The following CNTNAP2 variants were observed in gnomAD, a reference collection of about 807,000 sequenced individuals.
The protein encoded by CNTNAP2 is contactin-associated protein-like 2.
CNTNAP2 carries 98 observed loss-of-function variants against 155.2 expected under a neutral mutation model. That is an observed-to-expected ratio of 0.63 (90% CI 0.54 to 0.75). CNTNAP2 has a LOEUF of 0.75. Among genes scored for constraint, CNTNAP2 ranks in the 30% least tolerant of loss-of-function variants. CNTNAP2 has a pLI of 0.00. For synonymous variants in CNTNAP2, 651 were observed against 631.2 expected (o/e 1.03, Z -0.47); for missense variants, 1,727 against 1,688.1 (o/e 1.02, Z -0.40).
At chr7:146,710,711 G>C (rs977510158) in intron 1 of CNTNAP2, among the ~76,000 whole-genome samples, 1 of 151,938 alleles carries the variant, frequency 6.6e-6, no homozygotes, top group Non-Finnish European at 1.5e-5. Flanking sequence ...GGTTTTACAG[G>C]CAATGTCTCA....
At chr7:147,931,348 C>A (rs140905759) in intron 14 of CNTNAP2, among the ~76,000 whole-genome samples, 1 of 151,752 alleles carries the variant, frequency 6.6e-6, no homozygotes, top group East Asian at 1.9e-4. Context: ...GGCTTCAATG[C>A]TGAATTCCAC....
chr7:147,036,769 A>G (rs1005172487), intron 3 of CNTNAP2, among the ~76,000 whole-genome samples: 3 of 152,184 alleles, frequency 2.0e-5, no homozygotes, highest in Non-Finnish European at 4.4e-5. Flanking sequence ...TGCAAGAAAG[A>G]TTCAACTTTG....
At chr7:147,437,542 C>A (rs80042533) in intron 10 of CNTNAP2, among the ~76,000 whole-genome samples, 1 of 152,044 alleles carries the variant, frequency 6.6e-6, no homozygotes, top group Non-Finnish European at 1.5e-5. Context: ...TTTCTGAATT[C>A]TATTCCATTG....
intron 3 of CNTNAP2, among the ~76,000 whole-genome samples, chr7:146,854,688 A>C (rs1794943186): frequency 6.6e-6 from 1 of 152,182 alleles, no homozygotes; most frequent in Non-Finnish European, 1.5e-5. Flanking sequence ...TATAGCACAT[A>C]GTATTATTTG....
intron 3 of CNTNAP2, among the ~76,000 whole-genome samples, chr7:147,015,986 G>A (rs147363809): frequency 6.6e-6 from 1 of 152,134 alleles, no homozygotes; most frequent in East Asian, 1.9e-4. Context: ...AGTATATCGT[G>A]TGGCAAAATC....
intron 9 of CNTNAP2, among the ~76,000 whole-genome samples, chr7:147,387,892 G>A (rs765220835): frequency 4.9e-4 from 75 of 152,234 alleles, no homozygotes; most frequent in Non-Finnish European, 9.3e-4. Flanking sequence ...CCACTTATTT[G>A]AGCACCTATT....
At chr7:146,613,793 A>G (rs1383851910) in intron 1 of CNTNAP2, among the ~76,000 whole-genome samples, 1 of 152,178 alleles carries the variant, frequency 6.6e-6, no homozygotes, top group Admixed American at 6.5e-5. Flanking sequence ...CAATTCCAAA[A>G]TAAAAAGTAT....
chr7:147,916,971 C>T (rs1292673903), intron 14 of CNTNAP2, among the ~76,000 whole-genome samples: 3 of 152,200 alleles, frequency 2.0e-5, no homozygotes, highest in African/African-American at 7.2e-5. Context: ...CAGTTGTTCA[C>T]CATTTTCCAT....
At chr7:147,684,589 A>G (rs939398948) in intron 13 of CNTNAP2, among the ~76,000 whole-genome samples, 2 of 151,896 alleles carry the variant, frequency 1.3e-5, no homozygotes, top group Admixed American at 6.6e-5. Flanking sequence ...GCAAGTTCCA[A>G]TAGAATAATC....
At chr7:146,840,432 ATTAAC>A (rs1306886850) in intron 3 of CNTNAP2, among the ~76,000 whole-genome samples, 1 of 152,216 alleles carries the variant, frequency 6.6e-6, no homozygotes, top group African/African-American at 2.4e-5. Flanking sequence ...AAATGTCTCT[ATTAAC>A]TTAAAAAGTT....
intron 19 of CNTNAP2, among the ~76,000 whole-genome samples, chr7:148,220,666 T>C (rs1795732165): frequency 6.7e-6 from 1 of 150,040 alleles, no homozygotes; most frequent in Admixed American, 6.6e-5. Flanking sequence ...AACACAAAAG[T>C]GTTTGGTTGG....
intron 13 of CNTNAP2, among the ~76,000 whole-genome samples, chr7:147,840,491 G>C (rs1231828939): frequency 1.3e-5 from 2 of 152,074 alleles, no homozygotes; most frequent in Non-Finnish European, 2.9e-5. Context: ...AGAGTGCCCG[G>C]GAGGGAGATA....
chr7:147,169,627 G>A (rs1257240519), intron 8 of CNTNAP2, among the ~76,000 whole-genome samples: 1 of 140,938 alleles, frequency 7.1e-6, no homozygotes. Context: ...AGGAAGGAGG[G>A]AAGGAAGGAA....
At chr7:147,216,231 G>A (rs1803266936) in intron 8 of CNTNAP2, among the ~76,000 whole-genome samples, 1 of 151,424 alleles carries the variant, frequency 6.6e-6, no homozygotes, top group African/African-American at 2.4e-5. Context: ...TAGTGCCTTG[G>A]GTGTCATATC....
chr7:146,550,602 C>T (rs1200121097), intron 1 of CNTNAP2, among the ~76,000 whole-genome samples: 1 of 151,626 alleles, frequency 6.6e-6, no homozygotes, highest in Non-Finnish European at 1.5e-5. Context: ...ACAATTATTT[C>T]CCCCTGTGTA....
chr7:147,737,130 T>C (rs564058268), intron 13 of CNTNAP2, among the ~76,000 whole-genome samples: 2 of 152,232 alleles, frequency 1.3e-5, no homozygotes, highest in African/African-American at 4.8e-5. Flanking sequence ...TTTTCTGCTC[T>C]GTTTTTTCCC....
intron 1 of CNTNAP2, among the ~76,000 whole-genome samples, chr7:146,304,839 T>C (rs1800680083): frequency 6.6e-6 from 1 of 152,168 alleles, no homozygotes; most frequent in Admixed American, 6.5e-5. Flanking sequence ...TTGGGGAAGT[T>C]CCCCTGGATA....
intron 12 of CNTNAP2, among the ~76,000 whole-genome samples, chr7:147,613,155 C>A (rs10226255): frequency 0.65 from 99,040 of 151,960 alleles, 32,394 homozygotes; most frequent in Admixed American, 0.7. Context: ...ACTCTGGATA[C>A]AGCCACATTT....
At chr7:146,821,214 T>C (rs1333054737) in intron 2 of CNTNAP2, among the ~76,000 whole-genome samples, 1 of 152,182 alleles carries the variant, frequency 6.6e-6, no homozygotes, top group Non-Finnish European at 1.5e-5. Context: ...ATTATGATGT[T>C]AGCTGGTTAT....
Sources: allele counts gnomAD v4.1 joint callset (sites outside exome capture counted in the v4.1 genomes callset), GRCh38; gene constraint gnomAD v4.1.1; transcripts MANE v1.5; gene names NCBI Gene and HGNC (gene_info 2026-07-23, HGNC 2026-07-21).